Variants in SGCD observed in about 807,000 individuals in gnomAD.
SGCD encodes the protein delta-sarcoglycan.
In SGCD, 18 loss-of-function variants were observed where a neutral mutation model predicts 36.6. The observed-to-expected ratio is 0.49, with a 90% CI of 0.34 to 0.73. The LOEUF (loss-of-function observed/expected upper bound fraction) is 0.73, where lower values mean the gene tolerates loss of function less well. SGCD is among the 30% of genes least tolerant of loss of function. The pLI is 0.01. For synonymous variants in SGCD, 133 were observed against 130.6 expected (o/e 1.02, Z -0.12); for missense variants, 387 against 346.7 (o/e 1.12, Z -0.92).
At chr5:156,518,220 A>T (rs997434556) in intron 4 of SGCD, among the ~76,000 whole-genome samples, 9 of 152,228 alleles carry the variant, frequency 5.9e-5, no homozygotes, top group Non-Finnish European at 1.5e-5. Context: ...GCTTTAAACC[A>T]ACAAAAATTT....
chr5:156,400,095 C>A (rs1772063696), intron 3 of SGCD, among the ~76,000 whole-genome samples: 1 of 152,206 alleles, frequency 6.6e-6, no homozygotes, highest in Middle Eastern at 3.4e-3. Flanking sequence ...TTCTGAACCA[C>A]TCCTGTGGTA....
At chr5:156,221,146 C>G (rs1226705634) in intron 3 of SGCD, among the ~76,000 whole-genome samples, 1 of 152,012 alleles carries the variant, frequency 6.6e-6, no homozygotes, top group African/African-American at 2.4e-5. Context: ...CGGAATAGTA[C>G]AGACTGGATA....
At chr5:155,983,842 G>A (rs201766505) in intron 1 of SGCD, among the ~76,000 whole-genome samples, 1 of 152,090 alleles carries the variant, frequency 6.6e-6, no homozygotes. Flanking sequence ...CTTCTTTATT[G>A]CTCTACTTAT....
intron 3 of SGCD, among the ~76,000 whole-genome samples, chr5:156,302,785 A>T (rs1300155319): frequency 6.6e-6 from 1 of 152,118 alleles, no homozygotes; most frequent in Admixed American, 6.6e-5. Context: ...CTGTATTACC[A>T]ACTTGTTATC....
intron 3 of SGCD, among the ~76,000 whole-genome samples, chr5:156,216,354 T>C (rs1208867973): frequency 6.6e-6 from 1 of 152,240 alleles, no homozygotes; most frequent in African/African-American, 2.4e-5. Flanking sequence ...TTTGTGGTAA[T>C]GCATGTATTA....
the SGCD span, among the ~76,000 whole-genome samples, chr5:155,748,299 T>C: frequency 6.6e-6 from 1 of 152,000 alleles, no homozygotes; most frequent in Non-Finnish European, 1.5e-5. Flanking sequence ...ACTCTCTCTC[T>C]TTCCTTAAAA....
chr5:156,361,332 T>C (rs1769784176), intron 3 of SGCD, among the ~76,000 whole-genome samples: 1 of 152,248 alleles, frequency 6.6e-6, no homozygotes, highest in East Asian at 1.9e-4. Flanking sequence ...AGAAGCAGTG[T>C]AATTTACCAG....
chr5:156,551,152 G>A (rs575888529), intron 4 of SGCD, among the ~76,000 whole-genome samples: 28 of 152,160 alleles, frequency 1.8e-4, no homozygotes, highest in African/African-American at 6.7e-4. Flanking sequence ...TGCACTTCTT[G>A]TTCTTGCTAC....
the SGCD span, among the ~76,000 whole-genome samples, chr5:155,772,262 A>G: frequency 2.5e-3 from 382 of 152,318 alleles, no homozygotes; most frequent in African/African-American, 6.0e-3. Context: ...ACAAAGCAAC[A>G]AATGTTGGCC....
At chr5:155,908,394 G>C (rs1198555294) in intron 1 of SGCD, among the ~76,000 whole-genome samples, 2 of 151,988 alleles carry the variant, frequency 1.3e-5, no homozygotes, top group Admixed American at 1.3e-4. Context: ...TGCACAGTTT[G>C]GTGTATACTC....
chr5:156,261,784 T>A (rs1026915013), intron 3 of SGCD, among the ~76,000 whole-genome samples: 13 of 152,232 alleles, frequency 8.5e-5, no homozygotes, highest in African/African-American at 3.1e-4. Flanking sequence ...AGAAAGACAG[T>A]GATGTTGATG....
intron 1 of SGCD, among the ~76,000 whole-genome samples, chr5:155,884,217 A>G (rs976172680): frequency 9.2e-5 from 14 of 152,162 alleles, no homozygotes; most frequent in African/African-American, 3.4e-4. Context: ...GAGGGAGCTT[A>G]CAGGCCTCTG....
intron 4 of SGCD, among the ~76,000 whole-genome samples, chr5:156,567,377 A>AATAAATAGATAGATAG (rs1292170277): frequency 3.3e-4 from 43 of 131,858 alleles, no homozygotes; most frequent in Admixed American, 8.1e-4. Flanking sequence ...TGGATAGATA[A>AATAAATAGATAGATAG]ATAGATAGAT....
At chr5:155,825,510 C>A in the SGCD span, among the ~76,000 whole-genome samples, 1 of 152,128 alleles carries the variant, frequency 6.6e-6, no homozygotes, top group Non-Finnish European at 1.5e-5. Context: ...AGACTGTGTG[C>A]TCCTTGTACT....
At chr5:155,744,066 C>T in the SGCD span, among the ~76,000 whole-genome samples, 6 of 152,110 alleles carry the variant, frequency 3.9e-5, no homozygotes, top group Non-Finnish European at 8.8e-5. Flanking sequence ...CACATGAAAA[C>T]CAGCCAATAT....
intron 1 of SGCD, among the ~76,000 whole-genome samples, chr5:155,927,948 T>A (rs373624651): frequency 6.6e-6 from 1 of 152,222 alleles, no homozygotes; most frequent in African/African-American, 2.4e-5. Context: ...GAACTTGAAT[T>A]ACTTTTGTAA....
rs1049998112 is a variant in SGCD at position 156,158,790 on chromosome 5, A to G, written c.-44+34771A>G. Among the ~76,000 whole-genome samples, 7 of 151,640 alleles carry G rather than the reference A, an allele frequency of 4.6e-5. 1 individual carries two copies. Among genetic ancestry groups the G allele is most frequent in the African/African-American group, 1.7e-4 (7 of 40,922 alleles). The stretch of plus-strand genomic sequence containing the variant: ...ATTAGGTAGCAGGAAAAGATTTTAT[A>G]TACCTACAGCTGGAGCATTCAAAAA... On this transcript the variant is annotated intron_variant, in intron 3 of 9. Coordinates refer to the SGCD transcript ENST00000517913.
rs372399423 is a variant in SGCD, at chr5:155,891,558, C to CTTTTTTTTTTTTTTTTTTTTTT, written c.-282+21153_-282+21154insTTTTTTTTTTTTTTTTTTTTTT. 8.8e-3 allele frequency among the ~76,000 whole-genome samples: 533 copies of CTTTTTTTTTTTTTTTTTTTTTT among 60,740 alleles called. 113 individuals are homozygous for CTTTTTTTTTTTTTTTTTTTTTT. Among genetic ancestry groups the CTTTTTTTTTTTTTTTTTTTTTT allele is most frequent in the African/African-American group, 0.014 (201 of 14,584 alleles). 39.8% of individuals were successfully genotyped at this position (60,740 alleles called of 152,430 possible). The stretch of plus-strand genomic sequence containing the variant: ...CAAATTCCAGAGAAAAATAAATACT[C>CTTTTTTTTTTTTTTTTTTTTTT]TTTTTTTTTTTTTTTTTTTGGTGAC... On this transcript the variant is annotated intron_variant, in intron 1 of 9. Coordinates refer to the SGCD transcript ENST00000517913.
the SGCD span, among the ~76,000 whole-genome samples, chr5:155,794,966 T>C: frequency 1.1e-4 from 16 of 152,140 alleles, no homozygotes; most frequent in Non-Finnish European, 1.6e-4. Flanking sequence ...ATATGACTTA[T>C]TTTCAAAAGT....
Sources: allele counts gnomAD v4.1 joint callset (sites outside exome capture counted in the v4.1 genomes callset), GRCh38; gene constraint gnomAD v4.1.1; transcripts MANE v1.5; gene names NCBI Gene and HGNC (gene_info 2026-07-23, HGNC 2026-07-21).